Variants in HIKESHI observed in about 807,000 individuals in gnomAD.
The protein encoded by HIKESHI is heat shock protein nuclear import factor hikeshi, also known as protein Hikeshi.
A neutral mutation model predicts 25.7 loss-of-function variants in HIKESHI; 13 were observed. That is an observed-to-expected ratio of 0.51 (90% confidence interval 0.33 to 0.80). The LOEUF (loss-of-function observed/expected upper bound fraction) is 0.80. HIKESHI is among the 30% of genes least tolerant of loss of function. HIKESHI has a pLI of 0.02. For missense variants in HIKESHI, 174 were observed against 229.5 expected (o/e 0.76, Z 1.56); for synonymous variants, 76 against 78.7 (o/e 0.97, Z 0.18).
At chr11:86,333,826 A>G (rs1947480283) in intron 2 of HIKESHI, among the ~76,000 whole-genome samples, 1 of 152,240 alleles carries the variant, frequency 6.6e-6, no homozygotes, top group African/African-American at 2.4e-5. Context: ...AATGGTTATA[A>G]ATCTAAAAAT....
chr11:86,303,759 C>T (rs1187587280), intron 1 of HIKESHI, among the ~76,000 whole-genome samples: 1 of 152,178 alleles, frequency 6.6e-6, no homozygotes, highest in Admixed American at 6.5e-5. Flanking sequence ...AACTACACGA[C>T]TCTGTTATAA....
At chr11:86,312,763 A>C (rs574636623) in intron 2 of HIKESHI, among the ~76,000 whole-genome samples, 1 of 152,242 alleles carries the variant, frequency 6.6e-6, no homozygotes, top group East Asian at 1.9e-4. Flanking sequence ...GTGGTGACAA[A>C]ATCTCTCAGC....
At chr11:86,337,593 C>A in intron 3 of HIKESHI, 63 bp downstream of exon 3, 1 of 1,481,662 alleles carries the variant, frequency 6.7e-7, no homozygotes, top group Non-Finnish European at 9.1e-7. Context: ...GTATAATATA[C>A]AAGTTAAAAT....
intron 3 of HIKESHI, among the ~76,000 whole-genome samples, chr11:86,341,650 T>C (rs1373010265): frequency 1.3e-5 from 2 of 152,074 alleles, no homozygotes; most frequent in African/African-American, 2.4e-5. Context: ...CACCTAACTT[T>C]TTAATTTTTT....
At chr11:86,336,437 T>C (rs1188532656) in intron 2 of HIKESHI, among the ~76,000 whole-genome samples, 2 of 152,166 alleles carry the variant, frequency 1.3e-5, no homozygotes, top group Non-Finnish European at 2.9e-5. Context: ...AGAGCCCTCA[T>C]GAATGGGATT....
chr11:86,328,766 A>G (rs950307964), intron 2 of HIKESHI, among the ~76,000 whole-genome samples: 3 of 151,690 alleles, frequency 2.0e-5, no homozygotes, highest in Admixed American at 2.0e-4. Flanking sequence ...TAGTAGCGAC[A>G]AGGTTTCACC....
At chr11:86,310,467 C>G (rs114958556) in intron 2 of HIKESHI, among the ~76,000 whole-genome samples, 13,330 of 152,214 alleles carry the variant, frequency 0.088, 877 homozygotes, top group African/African-American at 0.18. Context: ...AGATTTTGGG[C>G]TAGACGATGG....
In HIKESHI at chr11:86,307,304, A is replaced by G. The variant is rs1027079696; in HGVS notation, c.268+822A>G. Among the ~76,000 whole-genome samples the G allele has an allele frequency of 3.3e-4, 28 of 85,632 alleles. 6 individuals are homozygous for G. The highest frequency in any genetic ancestry group is 6.0e-4 in the Non-Finnish European group (27 of 45,168). 56.2% of individuals were successfully genotyped at this position (85,632 alleles called of 152,430 possible). On this transcript the variant is annotated intron_variant, in intron 2 of 4. Coordinates refer to ENST00000278483, the MANE Select transcript of HIKESHI (RefSeq NM_016401.4). ...CAAATATATATTATGTGTAATATACATCATATATCAAACATATATTATGTG... is the reference window on the plus strand; with the variant it reads ...CAAATATATATTATGTGTAATATACGTCATATATCAAACATATATTATGTG...
intron 1 of HIKESHI, 60 bp from the exon 2 acceptor site, chr11:86,306,185 T>C: frequency 2.8e-6 from 3 of 1,064,898 alleles, no homozygotes; most frequent in South Asian, 1.4e-5. Context: ...TAAATGATAC[T>C]GTTAAGAGTT....
intron 2 of HIKESHI, chr11:86,326,659 C>T: frequency 2.5e-6 from 1 of 400,390 alleles, no homozygotes; most frequent in Non-Finnish European, 5.0e-6. Context: ...TAGACTGGAG[C>T]ATGAACTTGA....
At chr11:86,321,670 T>C (rs1250989265) in intron 2 of HIKESHI, among the ~76,000 whole-genome samples, 1 of 151,828 alleles carries the variant, frequency 6.6e-6, no homozygotes, top group East Asian at 1.9e-4. Flanking sequence ...GTTGGAATTA[T>C]AGGCACCCGC....
intron 2 of HIKESHI, among the ~76,000 whole-genome samples, chr11:86,319,696 T>C (rs1244159497): frequency 2.6e-5 from 4 of 152,188 alleles, no homozygotes; most frequent in Non-Finnish European, 5.9e-5. Flanking sequence ...GGCAATTGGT[T>C]GATCTCTCAA....
At chr11:86,321,254 G>T (rs372239590) in intron 2 of HIKESHI, among the ~76,000 whole-genome samples, 2 of 151,928 alleles carry the variant, frequency 1.3e-5, no homozygotes, top group East Asian at 1.9e-4. Flanking sequence ...CTTTTATATG[G>T]TGTTCATTCC....
intron 2 of HIKESHI, among the ~76,000 whole-genome samples, chr11:86,316,934 C>T (rs1214797058): frequency 1.3e-5 from 2 of 151,706 alleles, no homozygotes; most frequent in Non-Finnish European, 2.9e-5. Context: ...CCTGGGACTA[C>T]AGGTGACCAC....
At chr11:86,323,323 T>C (rs1303067828) in intron 2 of HIKESHI, among the ~76,000 whole-genome samples, 3 of 152,152 alleles carry the variant, frequency 2.0e-5, no homozygotes, top group Non-Finnish European at 4.4e-5. Context: ...TATAGTTTTT[T>C]TGACAAACGT....
chr11:86,340,221 G>A (rs1947689268), intron 3 of HIKESHI, among the ~76,000 whole-genome samples: 1 of 152,214 alleles, frequency 6.6e-6, no homozygotes, highest in East Asian at 1.9e-4. Context: ...ATGTGTGCAT[G>A]TGTCTTTATA....
intron 2 of HIKESHI, among the ~76,000 whole-genome samples, chr11:86,317,576 A>G: frequency 6.6e-6 from 1 of 152,118 alleles, no homozygotes; most frequent in East Asian, 1.9e-4. Context: ...AGGCCGAGGC[A>G]GGTGGATCAC....
chr11:86,328,908 G>T (rs1593852075), intron 2 of HIKESHI, among the ~76,000 whole-genome samples: 1 of 38,856 alleles, frequency 2.6e-5, no homozygotes, highest in African/African-American at 8.6e-5. Context: ...TTTGTGTTTT[G>T]TGTGTGTGTG....
chr11:86,308,231 A>G lies in HIKESHI; in HGVS notation c.268+1749A>G, dbSNP rs535837619. Among the ~76,000 whole-genome samples the G allele has an allele frequency of 8.7e-4, 120 of 138,156 alleles. 1 individual carries two copies. The highest frequency in any genetic ancestry group is 2.9e-3 in the African/African-American group (103 of 36,112). The allele number at this position is 138,156 out of a possible 152,430, so 90.6% of individuals were successfully genotyped here. Reference sequence around the variant, plus strand: ...ATAAAATATATATTACATATAAAATATATATTATATATAAAATATATATTA... The same window carrying G: ...ATAAAATATATATTACATATAAAATGTATATTATATATAAAATATATATTA... On this transcript the variant is annotated intron_variant, in intron 2 of 4. Transcript: ENST00000278483.
Sources: allele counts gnomAD v4.1 joint callset (sites outside exome capture counted in the v4.1 genomes callset), GRCh38; gene constraint gnomAD v4.1.1; transcripts MANE v1.5; gene names NCBI Gene and HGNC (gene_info 2026-07-23, HGNC 2026-07-21).